The following HS2ST1 variants were observed in gnomAD, a reference collection of about 807,000 sequenced individuals.
HS2ST1 encodes the protein heparan sulfate 2-O-sulfotransferase 1, also known as 2-O-sulfotransferase.
HS2ST1 carries 18 observed loss-of-function variants against 42.9 expected under a neutral mutation model. That is an observed-to-expected ratio of 0.42 (90% CI 0.29 to 0.62). The LOEUF is 0.62. Among genes scored for constraint, HS2ST1 ranks in the 20% least tolerant of loss-of-function variants. The pLI is 0.21. For synonymous variants in HS2ST1, 146 were observed against 152.9 expected, an observed-to-expected ratio of 0.95 and a Z score of 0.33; for missense variants, 334 against 433.8, an observed-to-expected ratio of 0.77 and a Z score of 2.04.
intron 1 of HS2ST1, among the ~76,000 whole-genome samples, chr1:86,998,694 T>C (rs1413435670): frequency 6.6e-6 from 1 of 152,234 alleles, no homozygotes; most frequent in East Asian, 1.9e-4. Flanking sequence ...TAAATCAGAA[T>C]TTATCTTACT....
chr1:86,991,031 C>T lies in HS2ST1; in HGVS notation c.124+75871C>T, dbSNP rs1042318100. Among the ~76,000 whole-genome samples the T allele has an allele frequency of 5.3e-5, 8 of 150,538 alleles. No homozygotes were observed. The South Asian group carries it at 1.7e-3, about 32-fold the overall frequency. On this transcript the variant is annotated intron_variant, in intron 1 of 6. Transcript: ENST00000370550. ...ACCAAGTTCAGATAAAAAATTTACT[C>T]AAACCTGTATAGCTCAAAACCGCAA... is the stretch of plus-strand genomic sequence containing the variant.
intron 1 of HS2ST1, among the ~76,000 whole-genome samples, chr1:87,018,640 A>G (rs1189156145): frequency 6.6e-6 from 1 of 152,184 alleles, no homozygotes; most frequent in African/African-American, 2.4e-5. Flanking sequence ...AGTTCTGCTT[A>G]TGTAGCACCA....
intron 1 of HS2ST1, among the ~76,000 whole-genome samples, chr1:86,992,313 G>A (rs768353062): frequency 1.3e-5 from 2 of 151,622 alleles, no homozygotes; most frequent in South Asian, 2.1e-4. Context: ...TAACTCATGC[G>A]CTGAAAATTT....
intron 1 of HS2ST1, among the ~76,000 whole-genome samples, chr1:86,937,061 C>T (rs1374005883): frequency 3.3e-5 from 5 of 151,616 alleles, no homozygotes; most frequent in Non-Finnish European, 7.4e-5. Flanking sequence ...GCTGAGATCA[C>T]GCTACTGCAC....
intron 3 of HS2ST1, among the ~76,000 whole-genome samples, chr1:87,088,234 G>T (rs1651859424): frequency 1.3e-5 from 2 of 151,916 alleles, no homozygotes; most frequent in Non-Finnish European, 2.9e-5. Flanking sequence ...CTTTTGGAAG[G>T]TTTACACATT....
At chr1:87,010,637 T>A (rs1288110926) in intron 1 of HS2ST1, among the ~76,000 whole-genome samples, 1 of 152,246 alleles carries the variant, frequency 6.6e-6, no homozygotes, top group Non-Finnish European at 1.5e-5. Flanking sequence ...CTAGATGTTC[T>A]GCTCTTATAT....
intron 4 of HS2ST1, among the ~76,000 whole-genome samples, chr1:87,093,745 C>A (rs1268984500): frequency 6.6e-6 from 1 of 152,050 alleles, no homozygotes; most frequent in Non-Finnish European, 1.5e-5. Context: ...TAAACTATTA[C>A]ACAGTAGTGA....
At chr1:87,004,468 A>T (rs1260017778) in intron 1 of HS2ST1, among the ~76,000 whole-genome samples, 1 of 152,034 alleles carries the variant, frequency 6.6e-6, no homozygotes, top group Admixed American at 6.6e-5. Flanking sequence ...ACAAAAGTCT[A>T]TTTTTTTCCT....
intron 1 of HS2ST1, among the ~76,000 whole-genome samples, chr1:86,922,063 T>C (rs1195401153): frequency 6.6e-6 from 1 of 152,192 alleles, no homozygotes; most frequent in East Asian, 1.9e-4. Flanking sequence ...TCTGTTTATC[T>C]TAACTGTTCT....
rs558833039 is a variant in HS2ST1 at position 87,099,212 on chromosome 1, C to T, written c.686+1277C>T. Among the ~76,000 whole-genome samples, 181 of 152,286 alleles carry T rather than the reference C, an allele frequency of 1.2e-3. 1 individual carries two copies. Among genetic ancestry groups the T allele is most frequent in the African/African-American group, 4.1e-3 (170 of 41,550 alleles). On this transcript the variant is annotated intron_variant, in intron 5 of 6. Transcript: ENST00000370550. ...ACCTAAACCATGTGTATTAGCTGTTCTTGCATTACTGTAAAGTACTACCTG... is the reference window on the plus strand; with the variant it reads ...ACCTAAACCATGTGTATTAGCTGTTTTTGCATTACTGTAAAGTACTACCTG...
At chr1:87,061,412 C>A (rs1292885530) in intron 1 of HS2ST1, among the ~76,000 whole-genome samples, 1 of 152,070 alleles carries the variant, frequency 6.6e-6, no homozygotes, top group Non-Finnish European at 1.5e-5. Context: ...CTCCCTCCCC[C>A]CATTCCCTGG....
At chr1:87,068,923 G>T (rs1651325316) in intron 1 of HS2ST1, among the ~76,000 whole-genome samples, 1 of 152,080 alleles carries the variant, frequency 6.6e-6, no homozygotes, top group Non-Finnish European at 1.5e-5. Flanking sequence ...AAACTCCTCG[G>T]CTTAAGCAAT....
intron 1 of HS2ST1, among the ~76,000 whole-genome samples, chr1:87,016,322 C>G (rs1649757439): frequency 6.6e-6 from 1 of 152,186 alleles, no homozygotes; most frequent in Non-Finnish European, 1.5e-5. Context: ...CTCATTACCT[C>G]TTCACCTCCC....
At chr1:86,992,551 G>C (rs750066316) in intron 1 of HS2ST1, among the ~76,000 whole-genome samples, 15 of 151,972 alleles carry the variant, frequency 9.9e-5, no homozygotes, top group Non-Finnish European at 1.6e-4. Flanking sequence ...TTTTAGAGAC[G>C]GGGTTTCTCC....
chr1:87,085,622 C>T (rs1651800267), intron 3 of HS2ST1, among the ~76,000 whole-genome samples: 1 of 151,932 alleles, frequency 6.6e-6, no homozygotes, highest in African/African-American at 2.4e-5. Context: ...TTATTTTTTT[C>T]TTTGCATAGG....
intron 1 of HS2ST1, among the ~76,000 whole-genome samples, chr1:87,049,849 G>A (rs1650789355): frequency 6.6e-6 from 1 of 152,022 alleles, no homozygotes; most frequent in South Asian, 2.1e-4. Flanking sequence ...TGAGCATGAT[G>A]GTGAAATCTT....
chr1:87,021,406 GC>G (rs747947628), intron 1 of HS2ST1, among the ~76,000 whole-genome samples: 1 of 152,098 alleles, frequency 6.6e-6, no homozygotes, highest in Non-Finnish European at 1.5e-5. Context: ...AAGAAGTATA[GC>G]CTTTTAAACC....
At chr1:86,946,985 A>G (rs1557489353) in intron 1 of HS2ST1, among the ~76,000 whole-genome samples, 2 of 152,230 alleles carry the variant, frequency 1.3e-5, no homozygotes, top group South Asian at 2.1e-4. Flanking sequence ...AGCCTACTAC[A>G]GGATAGTAAT....
chr1:87,097,954 G>A lies in HS2ST1; in HGVS notation c.686+19G>A, dbSNP rs1189408066. On this transcript the variant is annotated intron_variant, in intron 5 of 6. Transcript: ENST00000370550. Reference sequence around the variant, plus strand: ...AATGCTGGTAGGGGAGATAAAGTTGGCTCAGATTGATTATCATCCTTATTA... The same window carrying A: ...AATGCTGGTAGGGGAGATAAAGTTGACTCAGATTGATTATCATCCTTATTA... The A allele has an allele frequency of 1.9e-6, 3 of 1,613,534 alleles. No individual in the cohort carries two copies. The highest frequency in any genetic ancestry group is 2.5e-6 in the Non-Finnish European group (3 of 1,179,676).
Sources: allele counts gnomAD v4.1 joint callset (sites outside exome capture counted in the v4.1 genomes callset), GRCh38; gene constraint gnomAD v4.1.1; transcripts MANE v1.5; gene names NCBI Gene and HGNC (gene_info 2026-07-23, HGNC 2026-07-21).